The following PRDX6 variants were observed in gnomAD, a reference collection of about 807,000 sequenced individuals.
PRDX6 encodes the protein peroxiredoxin 6, also known as peroxiredoxin-6.
A neutral mutation model predicts 20.0 loss-of-function variants in PRDX6; 13 were observed. That is an observed-to-expected ratio of 0.65 (90% CI 0.42 to 1.03). PRDX6 has a LOEUF of 1.03. Among genes scored for constraint, PRDX6 ranks in the 50% least tolerant of loss-of-function variants. The pLI is 0.00. For missense variants in PRDX6, 203 were observed against 276.9 expected, an observed-to-expected ratio of 0.73 and a Z score of 1.89; for synonymous variants, 85 against 100.8, an observed-to-expected ratio of 0.84 and a Z score of 0.94.
intron 2 of PRDX6, among the ~76,000 whole-genome samples, chr1:173,484,948 T>C (rs1007194585): frequency 6.6e-6 from 1 of 152,112 alleles, no homozygotes; most frequent in Non-Finnish European, 1.5e-5. Flanking sequence ...TCTTTACATA[T>C]GGCATTATTT....
intron 1 of PRDX6, among the ~76,000 whole-genome samples, chr1:173,479,831 GACGTGA>G (rs1449469869): frequency 2.6e-5 from 4 of 152,210 alleles, no homozygotes; most frequent in Admixed American, 2.6e-4. Context: ...GGGAGGGAAG[GACGTGA>G]ACTGGCTTAA....
intron 4 of PRDX6, among the ~76,000 whole-genome samples, chr1:173,487,488 T>G (rs1455734765): frequency 1.3e-5 from 2 of 152,158 alleles, no homozygotes; most frequent in African/African-American, 4.8e-5. Context: ...CAGAATTAAA[T>G]GTAAAGTGTG....
Position 173,486,348 on chromosome 1 carries a change from A to G in PRDX6, c.493A>G (p.Ile165Val), listed in dbSNP as rs956852778. Residue 165 changes from isoleucine to valine, a missense_variant, in exon 4 of 5, where the codon ATC becomes GTC. Physicochemically the swap from Ile to Val is conservative, Grantham distance 29. Coordinates refer to ENST00000340385, the MANE Select transcript of PRDX6 (RefSeq NM_004905.3). The part of the protein sequence containing the change: ...RNFDEILRVV[I>V]SLQLTAEKRV... ...CTTTGATGAGATTCTCAGGGTAGTCATCTCTCTCCAGCTGACAGCAGAAAA... is the reference window on the plus strand; with the variant it reads ...CTTTGATGAGATTCTCAGGGTAGTCGTCTCTCTCCAGCTGACAGCAGAAAA... 3 of 1,612,580 alleles carry G rather than the reference A, an allele frequency of 1.9e-6. No homozygotes were observed. Among genetic ancestry groups the G allele is most frequent in the Non-Finnish European group, 1.7e-6 (2 of 1,179,424 alleles).
At chr1:173,481,526 C>G in intron 2 of PRDX6, 44 bp downstream of exon 2, 1 of 1,582,838 alleles carries the variant, frequency 6.3e-7, no homozygotes, top group Non-Finnish European at 8.7e-7. Flanking sequence ...GATTATAGGT[C>G]AAGTTATAAA....
intron 4 of PRDX6, 26 bp downstream of exon 4, chr1:173,486,427 T>C: frequency 6.3e-7 from 1 of 1,592,470 alleles, no homozygotes; most frequent in Non-Finnish European, 8.5e-7. Flanking sequence ...AAAAGCAGTT[T>C]CTCTACTTGC....
rs774813022 is a variant in PRDX6 at position 173,488,601 on chromosome 1, T to A, written c.*738T>A. The A allele has an allele frequency of 1.3e-5, 2 of 152,190 alleles. No individual in the cohort carries two copies. Among genetic ancestry groups the A allele is most frequent in the Non-Finnish European group, 2.9e-5 (2 of 68,042 alleles). The allele number at this position is 152,190 out of a possible 1,614,324, so 9.4% of individuals were successfully genotyped here. On this transcript the variant is annotated 3_prime_UTR_variant, in exon 5 of 5. Transcript: ENST00000340385. ...GGCTCCCAAGGAGGTGTAGCAGGTG[T>A]GAGCAATATTAGTGCCATGTGCCTT...
intron 1 of PRDX6, among the ~76,000 whole-genome samples, chr1:173,478,898 T>A (rs1195718422): frequency 6.6e-6 from 1 of 152,210 alleles, no homozygotes; most frequent in African/African-American, 2.4e-5. Context: ...TATTCAAACC[T>A]TGAATGCAGA....
intron 1 of PRDX6, among the ~76,000 whole-genome samples, chr1:173,477,787 T>C (rs1658726972): frequency 1.3e-5 from 2 of 152,240 alleles, no homozygotes; most frequent in South Asian, 2.1e-4. Context: ...GTGGGGAGGA[T>C]AAAATTGTGT....
chr1:173,486,177 A>G, intron 3 of PRDX6, 78 bp from the exon 4 acceptor site: 1 of 1,277,488 alleles, frequency 7.8e-7, no homozygotes, highest in Non-Finnish European at 1.1e-6. Context: ...GAACATTATT[A>G]ATGACTGCAG....
At chr1:173,483,954 A>C (rs1394743963) in intron 2 of PRDX6, among the ~76,000 whole-genome samples, 2 of 151,334 alleles carry the variant, frequency 1.3e-5, no homozygotes, top group Non-Finnish European at 2.9e-5. Context: ...TACAAAAAAA[A>C]ATTAGCCGGT....
At chr1:173,481,642 A>T (rs1248544789) in intron 2 of PRDX6, 160 bp downstream of exon 2, 7 of 727,252 alleles carry the variant, frequency 9.6e-6, no homozygotes, top group Non-Finnish European at 1.6e-5. Context: ...CACATTGCTA[A>T]ATCCATTGGT....
intron 1 of PRDX6, 28 bp downstream of exon 1, chr1:173,477,520 TG>T: frequency 6.4e-7 from 1 of 1,560,248 alleles, no homozygotes; most frequent in Non-Finnish European, 8.7e-7. Flanking sequence ...AGCCCTGTCC[TG>T]GCCTCGGTTG....
chr1:173,477,819 C>T (rs957504302), intron 1 of PRDX6, among the ~76,000 whole-genome samples: 3 of 152,252 alleles, frequency 2.0e-5, no homozygotes, highest in African/African-American at 7.2e-5. Context: ...TGGAAACTCA[C>T]CGCCCGCGGG....
chr1:173,482,577 T>C (rs1658821722), intron 2 of PRDX6, among the ~76,000 whole-genome samples: 1 of 152,216 alleles, frequency 6.6e-6, no homozygotes, highest in Non-Finnish European at 1.5e-5. Context: ...TGAAAACATT[T>C]TAAGAACTTG....
intron 1 of PRDX6, among the ~76,000 whole-genome samples, chr1:173,480,476 A>C (rs567495210): frequency 4.3e-4 from 65 of 152,348 alleles, no homozygotes; most frequent in African/African-American, 1.4e-3. Flanking sequence ...AAGAAGAAGG[A>C]AATGGTACTT....
intron 2 of PRDX6, chr1:173,481,831 T>C (rs937506880): frequency 4.4e-6 from 1 of 225,370 alleles, no homozygotes; most frequent in African/African-American, 2.3e-5. Context: ...AACTTATTTC[T>C]TGGACCTCAT....
At position 173,477,364 on chromosome 1, in the gene PRDX6, G is replaced by C; in HGVS notation, c.-34G>C. 2.0e-6 allele frequency: 3 copies of C among 1,472,234 alleles called. No individual in the cohort carries two copies. Among genetic ancestry groups the C allele is most frequent in the Non-Finnish European group, 2.8e-6 (3 of 1,083,110 alleles). 91.2% of individuals were successfully genotyped at this position (1,472,234 alleles called of 1,614,324 possible). A position where few individuals can be genotyped will look rare whatever the true frequency, so the allele number is the denominator to read the frequency against. The stretch of plus-strand genomic sequence containing the variant: ...CTTCGCCAGAACCAACCGGTTGCTT[G>C]CTGTCCCAGCGGCGCCCCCTCATCA... On this transcript the variant is annotated 5_prime_UTR_variant, in exon 1 of 5. Transcript: ENST00000340385.
At chr1:173,479,195 C>G (rs1202774564) in intron 1 of PRDX6, among the ~76,000 whole-genome samples, 2 of 152,132 alleles carry the variant, frequency 1.3e-5, no homozygotes, top group Non-Finnish European at 2.9e-5. Flanking sequence ...GCCTCTAGAT[C>G]CATCTAGATT....
chr1:173,477,518 C>G (rs759366937), intron 1 of PRDX6, 26 bp downstream of exon 1: 21 of 1,572,546 alleles, frequency 1.3e-5, no homozygotes, highest in Non-Finnish European at 1.8e-5. Context: ...GTAGCCCTGT[C>G]CTGGCCTCGG....
Sources: allele counts gnomAD v4.1 joint callset (sites outside exome capture counted in the v4.1 genomes callset), GRCh38; gene constraint gnomAD v4.1.1; transcripts MANE v1.5; gene names NCBI Gene and HGNC (gene_info 2026-07-23, HGNC 2026-07-21).